SHISA9: variants seen among roughly 807,000 people sequenced by gnomAD.
SHISA9 encodes the protein shisa family member 9.
SHISA9 carries 13 observed loss-of-function variants against 38.0 expected under a neutral mutation model. The ratio of observed to expected loss-of-function variants is 0.34; its 90% CI spans 0.22 to 0.54. The LOEUF is 0.54. Ranked by LOEUF, SHISA9 falls within the 20% of genes least tolerant of loss-of-function variation. The probability of loss-of-function intolerance (pLI) is 0.91; values close to 1 mark genes in which losing one functional copy is unlikely to be tolerated. For synonymous variants in SHISA9, 275 were observed against 242.0 expected (o/e 1.14, Z -1.27); for missense variants, 538 against 575.8 (o/e 0.93, Z 0.67).
At chr16:13,538,091 A>C in the SHISA9 span, among the ~76,000 whole-genome samples, 220 of 152,292 alleles carry the variant, frequency 1.4e-3, no homozygotes, top group African/African-American at 5.0e-3. Flanking sequence ...AAACACCACA[A>C]GCTACTTTGC....
the SHISA9 span, among the ~76,000 whole-genome samples, chr16:13,442,940 C>G: frequency 6.6e-6 from 1 of 152,118 alleles, no homozygotes; most frequent in East Asian, 1.9e-4. Flanking sequence ...AAACAAAATA[C>G]TTTGCACACC....
chr16:13,352,855 A>C, the SHISA9 span, among the ~76,000 whole-genome samples: 2 of 151,918 alleles, frequency 1.3e-5, no homozygotes, highest in African/African-American at 2.4e-5. Flanking sequence ...GGACTTTCAC[A>C]AGGTAATGTC....
chr16:12,957,417 C>T (rs571866445), intron 2 of SHISA9, among the ~76,000 whole-genome samples: 36 of 152,226 alleles, frequency 2.4e-4, no homozygotes, highest in African/African-American at 8.4e-4. Context: ...AGGGTGCCAG[C>T]GTGGTTGGGT....
the SHISA9 span, among the ~76,000 whole-genome samples, chr16:13,560,417 A>G: frequency 3.3e-5 from 5 of 152,168 alleles, no homozygotes; most frequent in Admixed American, 6.5e-5. Context: ...TGGTATCAGC[A>G]CCTGAAGAAT....
chr16:13,427,600 T>C, the SHISA9 span, among the ~76,000 whole-genome samples: 2 of 151,880 alleles, frequency 1.3e-5, no homozygotes, highest in Non-Finnish European at 2.9e-5. Context: ...CAGGAAAAAG[T>C]AGAGGGAAGT....
the SHISA9 span, among the ~76,000 whole-genome samples, chr16:13,405,872 C>T: frequency 2.7e-5 from 4 of 148,978 alleles, no homozygotes; most frequent in African/African-American, 7.4e-5. Flanking sequence ...TCTGGTATAA[C>T]ACTGATAGGC....
chr16:13,534,665 C>T, the SHISA9 span, among the ~76,000 whole-genome samples: 1 of 152,202 alleles, frequency 6.6e-6, no homozygotes, highest in East Asian at 1.9e-4. Flanking sequence ...AACACTGTGT[C>T]CCTGACTTTA....
the SHISA9 span, among the ~76,000 whole-genome samples, chr16:13,508,017 A>C: frequency 2.6e-5 from 4 of 152,198 alleles, no homozygotes; most frequent in Non-Finnish European, 5.9e-5. Flanking sequence ...CCACTTCTCC[A>C]TGGTAACCAC....
At chr16:13,401,824 G>T in the SHISA9 span, among the ~76,000 whole-genome samples, 3 of 152,164 alleles carry the variant, frequency 2.0e-5, no homozygotes, top group Non-Finnish European at 4.4e-5. Flanking sequence ...AGGTTTAATG[G>T]ACTCACCGTC....
the SHISA9 span, among the ~76,000 whole-genome samples, chr16:13,477,907 G>A: frequency 6.6e-6 from 1 of 152,198 alleles, no homozygotes; most frequent in Non-Finnish European, 1.5e-5. Context: ...GGAGGTTGCA[G>A]TGAGCTGAGA....
the SHISA9 span, among the ~76,000 whole-genome samples, chr16:13,517,497 C>T: frequency 6.6e-6 from 1 of 152,210 alleles, no homozygotes; most frequent in Admixed American, 6.5e-5. Flanking sequence ...CTCACAAATC[C>T]TTGTCCTGAG....
chr16:12,977,654 C>A (rs989260395), intron 2 of SHISA9, among the ~76,000 whole-genome samples: 10 of 152,152 alleles, frequency 6.6e-5, no homozygotes, highest in Admixed American at 2.6e-4. Context: ...GGAATGAGAT[C>A]ATGTCTTTTG....
the SHISA9 span, among the ~76,000 whole-genome samples, chr16:13,415,800 C>T: frequency 8.2e-6 from 1 of 121,530 alleles, no homozygotes; most frequent in Non-Finnish European, 1.7e-5. Flanking sequence ...ATCCAGTAAC[C>T]TAACCTTCTT....
At chr16:12,981,134 T>C (rs536448944) in intron 2 of SHISA9, among the ~76,000 whole-genome samples, 2 of 152,350 alleles carry the variant, frequency 1.3e-5, no homozygotes, top group Non-Finnish European at 2.9e-5. Context: ...TATTGGGTAC[T>C]TTGATGGGCA....
the SHISA9 span, among the ~76,000 whole-genome samples, chr16:13,493,472 A>T: frequency 4.6e-5 from 7 of 152,228 alleles, no homozygotes; most frequent in African/African-American, 1.7e-4. Flanking sequence ...CAGGAAGGGA[A>T]AAGGTAATGG....
Position 13,064,000 on chromosome 16 carries a change from C to G in SHISA9, c.692-139394C>G, listed in dbSNP as rs142412626. Reference sequence around the variant, plus strand: ...GGCCTAAGCAGGCTTTGTGTTGGCACCAGAGGCCCGTGGCTCTTCTGTTGT... The same window carrying G: ...GGCCTAAGCAGGCTTTGTGTTGGCAGCAGAGGCCCGTGGCTCTTCTGTTGT... On this transcript the variant is annotated intron_variant, in intron 2 of 4. Coordinates refer to ENST00000558583, the MANE Select transcript of SHISA9 (RefSeq NM_001145204.3). Among the ~76,000 whole-genome samples the G allele has an allele frequency of 3.2e-3, 480 of 152,286 alleles. 1 individual carries two copies. Among genetic ancestry groups the G allele is most frequent in the Non-Finnish European group, 5.6e-3 (382 of 68,020 alleles).
chr16:13,098,889 T>C (rs2073852340), intron 2 of SHISA9, among the ~76,000 whole-genome samples: 1 of 152,260 alleles, frequency 6.6e-6, no homozygotes, highest in Non-Finnish European at 1.5e-5. Flanking sequence ...GAGATTTGGT[T>C]TCTTCATCTG....
chr16:13,276,445 C>T, the SHISA9 span, among the ~76,000 whole-genome samples: 2 of 152,108 alleles, frequency 1.3e-5, no homozygotes, highest in African/African-American at 2.4e-5. Flanking sequence ...AGTGGGATTG[C>T]TGGATCAAAT....
At chr16:13,320,881 G>A in the SHISA9 span, among the ~76,000 whole-genome samples, 3 of 152,184 alleles carry the variant, frequency 2.0e-5, no homozygotes, top group South Asian at 2.1e-4. Context: ...TAGAATCTGA[G>A]TGTCTCTAAA....
Sources: gnomAD v4.1 joint callset for allele counts (sites outside exome capture counted in the v4.1 genomes callset) on GRCh38, gnomAD v4.1.1 for gene constraint, MANE v1.5 for transcripts, NCBI Gene and HGNC (gene_info 2026-07-23, HGNC 2026-07-21) for gene names.